The following SYNE1 variants were observed in gnomAD, a reference collection of about 807,000 sequenced individuals.
SYNE1 encodes the protein spectrin repeat containing nuclear envelope protein 1, also known as nesprin-1.
SYNE1 carries 616 observed loss-of-function variants against 1,111.0 expected under a neutral mutation model. That is an observed-to-expected ratio of 0.55 (90% confidence interval 0.52 to 0.59). The LOEUF (loss-of-function observed/expected upper bound fraction) is 0.59, where lower values mean the gene tolerates loss of function less well. Among genes scored for constraint, SYNE1 ranks in the 20% least tolerant of loss-of-function variants. SYNE1 has a pLI of 0.00. For synonymous variants in SYNE1, 3,855 were observed against 3,825.8 expected, an observed-to-expected ratio of 1.01 and a Z score of -0.28; for missense variants, 10,006 against 10,417.0, an observed-to-expected ratio of 0.96 and a Z score of 1.72.
At chr6:152,496,338 A>G (rs1466872929) in intron 11 of SYNE1, among the ~76,000 whole-genome samples, 2 of 152,184 alleles carry the variant, frequency 1.3e-5, no homozygotes, top group Non-Finnish European at 2.9e-5. Context: ...CAACATAAAA[A>G]AACTCAAGGA....
At chr6:152,364,806 T>C (rs775659206) in intron 63 of SYNE1, 41 bp downstream of exon 63, 6 of 1,613,598 alleles carry the variant, frequency 3.7e-6, no homozygotes, top group Middle Eastern at 1.6e-4. Context: ...ATTGATCTTT[T>C]AGTAATAGCT....
chr6:152,267,832 C>T lies in SYNE1; in HGVS notation c.18815+224G>A, dbSNP rs535319466. Among the ~76,000 whole-genome samples the T allele has an allele frequency of 1.5e-3, 225 of 152,208 alleles. 1 individual carries two copies. The highest frequency in any genetic ancestry group is 5.3e-4 in the Non-Finnish European group (36 of 68,032). Reference sequence around the variant, plus strand: ...TGAGCATCTTTGGACAGATAGGCTGCGCAGGCTGGAAGGAGGGCAAACAAG... The same window carrying T: ...TGAGCATCTTTGGACAGATAGGCTGTGCAGGCTGGAAGGAGGGCAAACAAG... On this transcript the variant is annotated intron_variant, in intron 100 of 145. Coordinates refer to ENST00000367255, the MANE Select transcript of SYNE1 (RefSeq NM_182961.4).
chr6:152,269,022 C>T, intron 99 of SYNE1, 133 bp downstream of exon 99: 3 of 1,357,688 alleles, frequency 2.2e-6, no homozygotes, highest in Non-Finnish European at 3.1e-6. Flanking sequence ...CAACATCTTG[C>T]TTCATTCAAA....
At chr6:152,338,717 G>C (rs907678952) in intron 75 of SYNE1, among the ~76,000 whole-genome samples, 2 of 152,200 alleles carry the variant, frequency 1.3e-5, no homozygotes, top group African/African-American at 4.8e-5. Flanking sequence ...TACGCCTCCA[G>C]TGCTGCCATC....
In SYNE1 at chr6:152,290,898, G is replaced by A. The variant is rs370934917; in HGVS notation, c.18012+2690C>T. 9.9e-5 allele frequency among the ~76,000 whole-genome samples: 15 copies of A among 151,906 alleles called. No individual in the cohort carries two copies. The South Asian group carries it at 1.9e-3, about 19-fold the overall frequency. On this transcript the variant is annotated intron_variant, in intron 95 of 145. Coordinates refer to ENST00000367255, the MANE Select transcript of SYNE1 (RefSeq NM_182961.4). ...CTGTGATACCACCAGCTTTTCATGT[G>A]GGCAGCTGTGTTCCAGAACTTGTAG...
chr6:152,264,704 G>A (rs1268871384), intron 100 of SYNE1, among the ~76,000 whole-genome samples: 2 of 152,114 alleles, frequency 1.3e-5, no homozygotes, highest in African/African-American at 4.8e-5. Context: ...GGAGGCTAAG[G>A]CAAGAAAATC....
rs1246664941 is a variant in SYNE1, at chr6:152,281,984, T to C, written c.18208-4A>G. 15 of 1,613,496 alleles carry C rather than the reference T, an allele frequency of 9.3e-6. No individual in the cohort carries two copies. Among genetic ancestry groups the C allele is most frequent in the Non-Finnish European group, 1.3e-5 (15 of 1,179,940 alleles). ...CCAGCTGATCATTCAACTTCTCCTG[T>C]TGAATTCAGTAGAAGGTAATATAGA... On this transcript the variant is annotated splice_polypyrimidine_tract_variant and splice_region_variant and intron_variant, in intron 96 of 145. Transcript: ENST00000367255.
At position 152,419,754 on chromosome 6, in the gene SYNE1, C is replaced by T. The variant is rs753760530; in HGVS notation, c.5268-32G>A. 6 of 1,610,718 alleles carry T rather than the reference C, an allele frequency of 3.7e-6. No homozygotes were observed. The South Asian group carries it at 4.4e-5, about 12-fold the overall frequency. ...AGACAAAGTATTAAAGTTAAAATGT[C>T]CCATAAGTAAACAGAAAGGATTAAT... On this transcript the variant is annotated intron_variant, in intron 39 of 145. Coordinates refer to ENST00000367255, the MANE Select transcript of SYNE1 (RefSeq NM_182961.4).
At position 152,344,186 on chromosome 6, in the gene SYNE1, G is replaced by T. The variant is rs1443243499; in HGVS notation, c.12120C>A (p.Ser4040Arg). The T allele has an allele frequency of 6.2e-7, 1 of 1,614,180 alleles. No homozygotes were observed. The highest frequency in any genetic ancestry group is 1.7e-5 in the Admixed American group (1 of 60,016). Reference protein sequence around the residue: ...SLEHELQKHVSRQDTLQQCQA... With the variant: ...SLEHELQKHVRRQDTLQQCQA... ...GGCACTGCTGCAGGGTGTCTTGTCG[G>T]CTGACGTGCTTCTGAAGTTCGTGTT... is the stretch of plus-strand genomic sequence containing the variant. Residue 4040 changes from serine (S) to arginine (R), a missense_variant, in exon 74 of 146, where the codon AGC (serine) becomes AGA (arginine). Physicochemically the swap from Ser to Arg is moderately radical, Grantham distance 110. Around this residue, in one of 7 missense-constraint regions of SYNE1, gnomAD observed 4,955 missense variants for 5,017.2 expected, o/e 0.99. Transcript: ENST00000367255.
intron 26 of SYNE1, 107 bp from the exon 27 acceptor site, chr6:152,450,940 A>G (rs2098643178): frequency 3.8e-6 from 6 of 1,593,522 alleles, no homozygotes; most frequent in Non-Finnish European, 5.2e-6. Flanking sequence ...ACCAAGGTAG[A>G]GTAATTAAGC....
intron 56 of SYNE1, among the ~76,000 whole-genome samples, chr6:152,380,794 C>A (rs763673745): frequency 6.6e-6 from 1 of 152,116 alleles, no homozygotes; most frequent in Non-Finnish European, 1.5e-5. Context: ...TGTTTCCTAC[C>A]GCAAATAATA....
At chr6:152,536,389 TTTATATATA>T (rs1429784330) in intron 4 of SYNE1, among the ~76,000 whole-genome samples, 2 of 84,942 alleles carry the variant, frequency 2.4e-5, no homozygotes, top group Non-Finnish European at 5.8e-5. Flanking sequence ...TATATATATA[TTTATATATA>T]TACTATATAT....
intron 3 of SYNE1, among the ~76,000 whole-genome samples, chr6:152,594,024 C>G (rs746803211): frequency 1.3e-5 from 2 of 152,122 alleles, no homozygotes; most frequent in Non-Finnish European, 2.9e-5. Context: ...TTCCCCCACC[C>G]CCTGCCTCCG....
chr6:152,612,791 T>A (rs1423312043), intron 3 of SYNE1, among the ~76,000 whole-genome samples: 1 of 152,156 alleles, frequency 6.6e-6, no homozygotes, highest in Non-Finnish European at 1.5e-5. Context: ...TCAAAAAGCT[T>A]ATCCACCATG....
intron 114 of SYNE1, 124 bp from the exon 115 acceptor site, chr6:152,230,826 T>C: frequency 8.7e-7 from 1 of 1,147,280 alleles, no homozygotes; most frequent in Admixed American, 2.1e-5. Flanking sequence ...GTTCATCGTA[T>C]ATATGATTTA....
intron 3 of SYNE1, among the ~76,000 whole-genome samples, chr6:152,590,670 C>T (rs1200911683): frequency 6.6e-6 from 1 of 152,084 alleles, no homozygotes; most frequent in Admixed American, 6.6e-5. Flanking sequence ...TCCTTTGTCC[C>T]ATCTAAACTG....
intron 5 of SYNE1, among the ~76,000 whole-genome samples, chr6:152,521,887 T>C (rs1182805506): frequency 6.6e-6 from 1 of 152,164 alleles, no homozygotes; most frequent in African/African-American, 2.4e-5. Flanking sequence ...TTATTGTCAA[T>C]ATTTTTGTGT....
intron 145 of SYNE1, chr6:152,129,677 T>G (rs1049098620): frequency 6.6e-6 from 1 of 151,688 alleles, no homozygotes; most frequent in Non-Finnish European, 1.5e-5. Flanking sequence ...CTGCCTGACT[T>G]CAGCCGAGTG....
rs138419982 is a variant in SYNE1, at chr6:152,139,717, A to AAAAG, written c.25458+229_25458+232dup. Among the ~76,000 whole-genome samples, 654 of 95,478 alleles carry AAAAG rather than the reference A, an allele frequency of 6.8e-3. 9 individuals are homozygous for AAAAG. The highest frequency in any genetic ancestry group is 0.014 in the Middle Eastern group (3 of 222). 62.6% of individuals were successfully genotyped at this position (95,478 alleles called of 152,430 possible). Reference sequence around the variant, plus strand: ...AAGAAAGAGAAAAAGAAAAGAAAGAAAAAGAAAGAAAGAAAGAAAGAAAGA... The same window carrying AAAAG: ...AAGAAAGAGAAAAAGAAAAGAAAGAAAAAGAAAGAAAGAAAGAAAGAAAGAAAGA... On this transcript the variant is annotated intron_variant, in intron 140 of 145. Transcript: ENST00000367255.
Sources: allele counts gnomAD v4.1 joint callset (sites outside exome capture counted in the v4.1 genomes callset), GRCh38; gene constraint gnomAD v4.1.1; regional missense constraint gnomAD v4.1.1; transcripts MANE v1.5; gene names NCBI Gene and HGNC (gene_info 2026-07-23, HGNC 2026-07-21).